AEBP2: variants seen among roughly 807,000 people sequenced by gnomAD.
AEBP2 encodes the protein AE binding protein 2.
AEBP2 carries 10 observed loss-of-function variants against 50.8 expected under a neutral mutation model. The ratio of observed to expected loss-of-function variants is 0.20; its 90% CI spans 0.12 to 0.33. AEBP2 has a LOEUF of 0.33. AEBP2 is among the 10% of genes least tolerant of loss of function. AEBP2 has a pLI of 1.00. For synonymous variants in AEBP2, 296 were observed against 261.3 expected, an observed-to-expected ratio of 1.13 and a Z score of -1.28; for missense variants, 570 against 688.0, an observed-to-expected ratio of 0.83 and a Z score of 1.92.
At chr12:19,482,353 A>G (rs552137829) in intron 3 of AEBP2, among the ~76,000 whole-genome samples, 2 of 152,236 alleles carry the variant, frequency 1.3e-5, no homozygotes, top group African/African-American at 4.8e-5. Flanking sequence ...TCGGTTGTAG[A>G]TATGTTGAGT....
intron 4 of AEBP2, among the ~76,000 whole-genome samples, chr12:19,494,368 A>G (rs1380122019): frequency 2.0e-5 from 3 of 152,120 alleles, no homozygotes; most frequent in African/African-American, 7.2e-5. Context: ...GCTGGGAGGT[A>G]GAGGCTGCAG....
chr12:19,414,583 G>A (rs1433690886), intron 1 of AEBP2, among the ~76,000 whole-genome samples: 1 of 152,124 alleles, frequency 6.6e-6, no homozygotes. Flanking sequence ...ACTGGAGGGC[G>A]ATGTCTTTTT....
chr12:19,440,483 C>T, intron 1 of AEBP2, 113 bp downstream of exon 1: 2 of 1,404,390 alleles, frequency 1.4e-6, no homozygotes, highest in East Asian at 2.5e-5. Context: ...GAATCCTCGG[C>T]CCCTCCCCCA....
rs1949042763 is a variant in AEBP2 at position 19,500,004 on chromosome 12, TGATA to T, written c.1175-88_1175-85del. On this transcript the variant is annotated intron_variant, in intron 4 of 7. Transcript: ENST00000266508. The stretch of plus-strand genomic sequence containing the variant: ...TAATAATCTTGAATTTAAATACTAT[TGATA>T]GATATGTATTTGTTAATTGTTTCCA... The T allele has an allele frequency of 6.0e-6, 7 of 1,162,130 alleles. No individual in the cohort carries two copies. In the African/African-American group the frequency reaches 6.3e-5, roughly 10 times the overall value. The allele number at this position is 1,162,130 out of a possible 1,614,324, so 72.0% of individuals were successfully genotyped here.
intron 5 of AEBP2, among the ~76,000 whole-genome samples, chr12:19,501,801 T>TTTTTG (rs1821124317): frequency 8.9e-6 from 1 of 112,406 alleles, no homozygotes; most frequent in Non-Finnish European, 1.8e-5. Context: ...GAGTTTGTTT[T>TTTTTG]TTTTTTTTTT....
At chr12:19,428,926 C>A (rs1171921996) in intron 1 of AEBP2, among the ~76,000 whole-genome samples, 1 of 152,112 alleles carries the variant, frequency 6.6e-6, no homozygotes, top group Non-Finnish European at 1.5e-5. Context: ...ACTGCTTGAG[C>A]CCAGGAGTTC....
intron 3 of AEBP2, 111 bp downstream of exon 3, chr12:19,473,466 T>G: frequency 2.8e-6 from 1 of 361,910 alleles, no homozygotes; most frequent in Non-Finnish European, 4.1e-6. Flanking sequence ...AGTGCAATGG[T>G]GCCATCTTGG....
At chr12:19,500,033 A>G in intron 4 of AEBP2, 64 bp from the exon 5 acceptor site, 1 of 1,406,756 alleles carries the variant, frequency 7.1e-7, no homozygotes, top group African/African-American at 1.5e-5. Context: ...AATTGTTTCC[A>G]TCTTTATTAC....
intron 1 of AEBP2, among the ~76,000 whole-genome samples, chr12:19,461,237 T>C (rs1431132329): frequency 2.0e-5 from 3 of 152,202 alleles, no homozygotes; most frequent in South Asian, 4.1e-4. Context: ...TCTGAAAACA[T>C]TCTTTCTCTT....
chr12:19,450,685 A>T (rs12099996), intron 1 of AEBP2, among the ~76,000 whole-genome samples: 6,802 of 148,228 alleles, frequency 0.046, 363 homozygotes, highest in Admixed American at 0.14. Context: ...AAAAAAAGAA[A>T]AAAAAAAGAC....
intron 1 of AEBP2, among the ~76,000 whole-genome samples, chr12:19,420,172 C>T (rs1413215725): frequency 1.3e-5 from 2 of 150,428 alleles, no homozygotes; most frequent in African/African-American, 2.4e-5. Flanking sequence ...TACAGGCACC[C>T]GACACCTTGA....
intron 1 of AEBP2, among the ~76,000 whole-genome samples, chr12:19,412,277 T>C (rs763394518): frequency 1.1e-4 from 16 of 152,144 alleles, no homozygotes; most frequent in Non-Finnish European, 2.1e-4. Flanking sequence ...TTTTTTTAAT[T>C]TTTTTTATCT....
intron 1 of AEBP2, among the ~76,000 whole-genome samples, chr12:19,425,218 G>A (rs559486149): frequency 6.6e-6 from 1 of 152,232 alleles, no homozygotes; most frequent in African/African-American, 2.4e-5. Context: ...TCCAGCACAC[G>A]GGAAAGGAAG....
intron 1 of AEBP2, among the ~76,000 whole-genome samples, chr12:19,405,333 A>AT (rs112700014): frequency 0.011 from 1,498 of 139,714 alleles, 19 homozygotes; most frequent in African/African-American, 0.033. Flanking sequence ...TTATTTACTT[A>AT]TTTTTTTTTT....
At chr12:19,503,937 T>C (rs374122054) in intron 5 of AEBP2, among the ~76,000 whole-genome samples, 8 of 151,928 alleles carry the variant, frequency 5.3e-5, no homozygotes, top group African/African-American at 1.9e-4. Context: ...GTTCAAGAGA[T>C]CCTCCCACCT....
chr12:19,513,788 A>T (rs12231137), intron 6 of AEBP2, among the ~76,000 whole-genome samples: 3,285 of 152,046 alleles, frequency 0.022, 42 homozygotes, highest in East Asian at 0.043. Flanking sequence ...AAATGTGTAT[A>T]TTCCTAATGT....
intron 1 of AEBP2, chr12:19,418,829 A>G (rs2095744005): frequency 6.6e-6 from 1 of 152,170 alleles, no homozygotes; most frequent in Non-Finnish European, 1.5e-5. Context: ...CGAAAGGATC[A>G]CTTGAGCCCA....
At chr12:19,419,164 T>A (rs1243688958) in intron 1 of AEBP2, 1 of 154,578 alleles carries the variant, frequency 6.5e-6, no homozygotes, top group Non-Finnish European at 1.5e-5. Context: ...CCAGCCATCA[T>A]GCCTCTGGAG....
At chr12:19,498,831 C>T (rs1949024060) in intron 4 of AEBP2, among the ~76,000 whole-genome samples, 1 of 151,930 alleles carries the variant, frequency 6.6e-6, no homozygotes, top group Non-Finnish European at 1.5e-5. Flanking sequence ...ATACTGCCTA[C>T]TCTATATTTG....
Sources: gnomAD v4.1 joint callset for allele counts (sites outside exome capture counted in the v4.1 genomes callset) on GRCh38, gnomAD v4.1.1 for gene constraint, MANE v1.5 for transcripts, NCBI Gene and HGNC (gene_info 2026-07-23, HGNC 2026-07-21) for gene names.